Variants in PCDH9 observed in about 807,000 individuals in gnomAD.
PCDH9 encodes the protein protocadherin 9, also known as protocadherin-9.
In PCDH9, 24 loss-of-function variants were observed where a neutral mutation model predicts 70.6. The ratio of observed to expected loss-of-function variants is 0.34; its 90% CI spans 0.25 to 0.48. The LOEUF is 0.48. Among genes scored for constraint, PCDH9 ranks in the 20% least tolerant of loss-of-function variants. The pLI is 0.99. For synonymous variants in PCDH9, 562 were observed against 558.5 expected (o/e 1.01, Z -0.09); for missense variants, 1,281 against 1,503.6 (o/e 0.85, Z 2.45).
chr13:66,642,189 A>C (rs2077717516), intron 3 of PCDH9, among the ~76,000 whole-genome samples: 1 of 152,104 alleles, frequency 6.6e-6, no homozygotes. Flanking sequence ...ATATTTTTAG[A>C]CAGTAAAATT....
intron 3 of PCDH9, among the ~76,000 whole-genome samples, chr13:66,678,590 T>A (rs200357188): frequency 6.6e-6 from 1 of 152,056 alleles, no homozygotes; most frequent in East Asian, 1.9e-4. Flanking sequence ...TGGTTGATAC[T>A]TATGTAATAA....
At chr13:67,130,173 T>C (rs558890923) in intron 2 of PCDH9, among the ~76,000 whole-genome samples, 1 of 152,280 alleles carries the variant, frequency 6.6e-6, no homozygotes, top group African/African-American at 2.4e-5. Context: ...GCATTTTCAC[T>C]TTCTGCACAC....
intron 2 of PCDH9, among the ~76,000 whole-genome samples, chr13:66,955,379 G>T (rs1038829211): frequency 2.6e-5 from 4 of 152,100 alleles, no homozygotes; most frequent in African/African-American, 4.8e-5. Flanking sequence ...GCTGAGACCT[G>T]TCCCCAAAAA....
chr13:66,329,407 T>A (rs1014881619), intron 4 of PCDH9, among the ~76,000 whole-genome samples: 5 of 152,190 alleles, frequency 3.3e-5, no homozygotes, highest in African/African-American at 1.2e-4. Context: ...AGGTGCAGAT[T>A]CAATTCAAGT....
chr13:67,024,519 T>C (rs1321617908), intron 2 of PCDH9, among the ~76,000 whole-genome samples: 2 of 152,148 alleles, frequency 1.3e-5, no homozygotes, highest in Non-Finnish European at 2.9e-5. Context: ...CTTCTTTTAC[T>C]ATAATTTATG....
At chr13:66,459,542 G>C (rs938019467) in intron 4 of PCDH9, among the ~76,000 whole-genome samples, 1 of 151,408 alleles carries the variant, frequency 6.6e-6, no homozygotes, top group African/African-American at 2.4e-5. Context: ...TAAGTTTCTG[G>C]AGTGCTTAAA....
At chr13:67,001,656 C>T (rs543708532) in intron 2 of PCDH9, among the ~76,000 whole-genome samples, 25 of 152,220 alleles carry the variant, frequency 1.6e-4, no homozygotes, top group African/African-American at 4.8e-4. Flanking sequence ...CAGGAACAGA[C>T]GGGGCTGTGT....
chr13:66,543,374 T>C (rs1353240622), intron 4 of PCDH9, among the ~76,000 whole-genome samples: 1 of 151,956 alleles, frequency 6.6e-6, no homozygotes, highest in African/African-American at 2.4e-5. Flanking sequence ...ATCAAGACCA[T>C]CCTGGCTAAC....
intron 4 of PCDH9, among the ~76,000 whole-genome samples, chr13:66,434,286 T>C (rs1201898948): frequency 6.6e-6 from 1 of 151,928 alleles, no homozygotes; most frequent in East Asian, 1.9e-4. Flanking sequence ...TAAACATTAA[T>C]AAGGACCTGG....
At chr13:66,570,001 T>C (rs1165548712) in intron 4 of PCDH9, among the ~76,000 whole-genome samples, 1 of 152,120 alleles carries the variant, frequency 6.6e-6, no homozygotes. Flanking sequence ...AGGCAAAAAT[T>C]TGAAACAGTC....
chr13:66,698,396 G>C (rs1318481266), intron 3 of PCDH9, among the ~76,000 whole-genome samples: 2 of 152,138 alleles, frequency 1.3e-5, no homozygotes. Context: ...AATATGGTTT[G>C]AATTTGAATT....
intron 4 of PCDH9, among the ~76,000 whole-genome samples, chr13:66,321,253 ATCTC>A (rs1423421748): frequency 7.2e-5 from 11 of 152,206 alleles, no homozygotes; most frequent in African/African-American, 1.9e-4. Context: ...CTGCCATTAG[ATCTC>A]TCTATTTGTT....
At position 66,922,114 on chromosome 13, in the gene PCDH9, T is replaced by C. The variant is rs568791901; in HGVS notation, c.3037-18509A>G. Reference sequence around the variant, plus strand: ...ACCAGATTATGTCTTCAATTTATTATATTCATGTATCAGAAAATGCTCCTA... The same window carrying C: ...ACCAGATTATGTCTTCAATTTATTACATTCATGTATCAGAAAATGCTCCTA... On this transcript the variant is annotated intron_variant, in intron 2 of 4. Transcript: ENST00000377865. Among the ~76,000 whole-genome samples the C allele has an allele frequency of 2.4e-4, 36 of 151,538 alleles. 1 individual carries two copies. Among genetic ancestry groups the C allele is most frequent in the Non-Finnish European group, 1.3e-4 (9 of 67,540 alleles).
chr13:66,375,163 A>C (rs1176826209), intron 4 of PCDH9, among the ~76,000 whole-genome samples: 1 of 152,158 alleles, frequency 6.6e-6, no homozygotes, highest in Non-Finnish European at 1.5e-5. Flanking sequence ...AGTCATCGAC[A>C]GATGAAGTTA....
rs752171251 is a variant in PCDH9, at chr13:66,854,889, A to G, written c.3138+48615T>C. Among the ~76,000 whole-genome samples the G allele has an allele frequency of 5.9e-5, 9 of 152,116 alleles. No individual in the cohort carries two copies. In the South Asian group the frequency reaches 1.2e-3, roughly 21 times the overall value. On this transcript the variant is annotated intron_variant, in intron 3 of 4. Transcript: ENST00000377865. ...AAAACAAGGGTCTGTATTGATTGATATATGGAAATGTAATCAGAGTTTTCC... is the reference window on the plus strand; with the variant it reads ...AAAACAAGGGTCTGTATTGATTGATGTATGGAAATGTAATCAGAGTTTTCC...
At chr13:66,310,810 A>T (rs2138063136) in intron 4 of PCDH9, among the ~76,000 whole-genome samples, 1 of 152,066 alleles carries the variant, frequency 6.6e-6, no homozygotes, top group East Asian at 1.9e-4. Context: ...TCCATTTTTC[A>T]TTTTGTTCAA....
chr13:67,160,315 A>G (rs2987332), intron 2 of PCDH9, among the ~76,000 whole-genome samples: 15,150 of 152,164 alleles, frequency 0.1, 1,434 homozygotes, highest in African/African-American at 0.25. Flanking sequence ...GGAGGCCGAG[A>G]AGGGCAGATC....
chr13:66,542,260 A>C (rs1960990900), intron 4 of PCDH9, among the ~76,000 whole-genome samples: 1 of 152,170 alleles, frequency 6.6e-6, no homozygotes, highest in African/African-American at 2.4e-5. Flanking sequence ...TTTGATCAGC[A>C]GAATATACCA....
At chr13:66,716,390 G>A (rs1455405078) in intron 3 of PCDH9, among the ~76,000 whole-genome samples, 3 of 152,200 alleles carry the variant, frequency 2.0e-5, no homozygotes, top group Non-Finnish European at 4.4e-5. Context: ...AATAAGAAGT[G>A]TAGAGGAGAC....
Sources: gnomAD v4.1 joint callset for allele counts (sites outside exome capture counted in the v4.1 genomes callset) on GRCh38, gnomAD v4.1.1 for gene constraint, MANE v1.5 for transcripts, NCBI Gene and HGNC (gene_info 2026-07-23, HGNC 2026-07-21) for gene names.